The following MAGI3 variants were observed in gnomAD, a reference collection of about 807,000 sequenced individuals.
MAGI3 encodes membrane-associated guanylate kinase, WW and PDZ domain-containing protein 3.
MAGI3 carries 43 observed loss-of-function variants against 121.8 expected under a neutral mutation model. The observed-to-expected ratio is 0.35, with a 90% confidence interval of 0.28 to 0.46. MAGI3 has a LOEUF of 0.46. Among genes scored for constraint, MAGI3 ranks in the 20% least tolerant of loss-of-function variants. MAGI3 has a pLI of 1.00. For synonymous variants in MAGI3, 553 were observed against 639.3 expected, an observed-to-expected ratio of 0.86 and a Z score of 2.04; for missense variants, 1,547 against 1,797.3, an observed-to-expected ratio of 0.86 and a Z score of 2.52.
At chr1:113,507,878 A>G (rs1164978470) in intron 1 of MAGI3, among the ~76,000 whole-genome samples, 1 of 152,304 alleles carries the variant, frequency 6.6e-6, no homozygotes, top group Non-Finnish European at 1.5e-5. Context: ...CCCAGTGGAA[A>G]GAGAGAGGTT....
chr1:113,523,480 A>G (rs1358133671), intron 1 of MAGI3, among the ~76,000 whole-genome samples: 1 of 152,192 alleles, frequency 6.6e-6, no homozygotes, highest in East Asian at 1.9e-4. Flanking sequence ...ATATAGGCTG[A>G]GGTGGTCTCA....
At chr1:113,612,285 A>G (rs990295653) in intron 6 of MAGI3, among the ~76,000 whole-genome samples, 1 of 152,124 alleles carries the variant, frequency 6.6e-6, no homozygotes, top group Non-Finnish European at 1.5e-5. Flanking sequence ...CCTGATAGCA[A>G]TCTTACCAGG....
chr1:113,411,918 A>G (rs896136509), intron 1 of MAGI3, among the ~76,000 whole-genome samples: 4 of 152,162 alleles, frequency 2.6e-5, no homozygotes, highest in Non-Finnish European at 5.9e-5. Context: ...GTGCATGTGC[A>G]CAATGTGCAG....
In MAGI3 at chr1:113,672,645, T is replaced by A. The variant is rs943636831; in HGVS notation, c.2949T>A (p.Asp983Glu). The A allele has an allele frequency of 1.9e-6, 3 of 1,613,728 alleles. No individual in the cohort carries two copies. The Admixed American group carries it at 5.0e-5, about 27-fold the overall frequency. ...RSALEGEIGK[D>E]VSTSYRHSWS... ...CCCTAGAAGGTGAAATTGGAAAAGA[T>A]GTCTCCACTTCTTACAGACATTCTT... The change falls in exon 18 of 21, where the codon GAT becomes GAA. Residue 983 changes from aspartate to glutamate, a missense_variant. Transcript: ENST00000307546.
At position 113,517,035 on chromosome 1, in the gene MAGI3, AAG is replaced by A. The variant is rs199883135; in HGVS notation, c.317-32478_317-32477del. On this transcript the variant is annotated intron_variant, in intron 1 of 20. Transcript: ENST00000307546. ...AGGTCATCAAAAACAAGGAAAGTCT[AAG>A]AAACTGTCACAGATAAGGGAAGCCT... Among the ~76,000 whole-genome samples, 44 of 152,150 alleles carry A rather than the reference AAG, an allele frequency of 2.9e-4. 1 individual carries two copies. In the East Asian group the frequency reaches 6.9e-3, roughly 24 times the overall value.
At chr1:113,448,040 A>G (rs1275478967) in intron 1 of MAGI3, among the ~76,000 whole-genome samples, 2 of 152,188 alleles carry the variant, frequency 1.3e-5, no homozygotes, top group Non-Finnish European at 1.5e-5. Context: ...TATTCATTAT[A>G]TTTTAAGTAG....
intron 9 of MAGI3, among the ~76,000 whole-genome samples, chr1:113,631,100 A>G (rs1651602031): frequency 6.6e-6 from 1 of 152,118 alleles, no homozygotes; most frequent in Non-Finnish European, 1.5e-5. Context: ...CCCTTGTGAC[A>G]GGGGAGCACT....
intron 1 of MAGI3, among the ~76,000 whole-genome samples, chr1:113,471,634 T>C (rs1655542486): frequency 6.6e-6 from 1 of 152,134 alleles, no homozygotes; most frequent in Non-Finnish European, 1.5e-5. Flanking sequence ...ACCAGTAACA[T>C]AGTTTTTATT....
chr1:113,545,089 T>G (rs537174992), intron 1 of MAGI3, among the ~76,000 whole-genome samples: 22 of 151,700 alleles, frequency 1.5e-4, no homozygotes, highest in Middle Eastern at 6.8e-3. Flanking sequence ...TTTTGTTTTT[T>G]TTTTACAAAA....
intron 1 of MAGI3, among the ~76,000 whole-genome samples, chr1:113,416,253 TAC>T (rs61186086): frequency 1.4e-5 from 1 of 69,372 alleles, no homozygotes; most frequent in Non-Finnish European, 3.0e-5. Context: ...TGTAATTAAT[TAC>T]ACATATTAAT....
intron 2 of MAGI3, among the ~76,000 whole-genome samples, chr1:113,552,804 G>C (rs187019186): frequency 1.3e-5 from 2 of 152,098 alleles, no homozygotes; most frequent in Admixed American, 1.3e-4. Flanking sequence ...GAACCTAGAC[G>C]CAATGACACA....
chr1:113,618,136 G>A (rs11102661), intron 7 of MAGI3, among the ~76,000 whole-genome samples: 35,150 of 150,946 alleles, frequency 0.23, 5,119 homozygotes, highest in East Asian at 0.65. Context: ...AAGCTCCAGC[G>A]TGGACAACAT....
rs187977492 is a variant in MAGI3, at chr1:113,433,167, C to T, written c.316+41818C>T. ...TAATGGCCATTTGTGATATTTTCTT[C>T]AGTGAAGAACCTGTGGGAGATGGAA... On this transcript the variant is annotated intron_variant, in intron 1 of 20. Coordinates refer to ENST00000307546, the MANE Select transcript of MAGI3 (RefSeq NM_001142782.2). 2.1e-3 allele frequency among the ~76,000 whole-genome samples: 316 copies of T among 152,102 alleles called. 2 individuals are homozygous for T. Among genetic ancestry groups the T allele is most frequent in the African/African-American group, 7.4e-3 (306 of 41,490 alleles).
Position 113,683,066 on chromosome 1 carries a change from T to C in MAGI3, c.3498T>C (p.Ile1166=). ...ICEKAEELKD[I]VPEKKSTLNE... ...AAAAGGCAGAAGAATTAAAGGACATTGTGCCTGAAAAGAAAAGCACTTTAA... is the reference window on the plus strand; with the variant it reads ...AAAAGGCAGAAGAATTAAAGGACATCGTGCCTGAAAAGAAAAGCACTTTAA... Residue 1166 remains isoleucine (I), a synonymous_variant, in exon 21 of 21, where the codon ATT becomes ATC. Transcript: ENST00000307546. 6.2e-7 allele frequency: 1 copy of C among 1,613,434 alleles called. No homozygotes were observed. Among genetic ancestry groups the C allele is most frequent in the Non-Finnish European group, 8.5e-7 (1 of 1,179,770 alleles).
At chr1:113,568,259 A>G (rs1207122561) in intron 2 of MAGI3, among the ~76,000 whole-genome samples, 1 of 152,100 alleles carries the variant, frequency 6.6e-6, no homozygotes, top group East Asian at 1.9e-4. Flanking sequence ...AATATTACTT[A>G]CCATAGCATA....
intron 20 of MAGI3, chr1:113,682,092 ACTGTATTATCTT>A: frequency 9.9e-7 from 1 of 1,014,712 alleles, no homozygotes; most frequent in Non-Finnish European, 1.3e-6. Context: ...TGATTCTCTG[ACTGTATTATCTT>A]CCACCATCTG....
At chr1:113,634,754 T>C (rs1165778376) in intron 9 of MAGI3, among the ~76,000 whole-genome samples, 1 of 152,188 alleles carries the variant, frequency 6.6e-6, no homozygotes, top group Non-Finnish European at 1.5e-5. Flanking sequence ...AAGTAGTTTT[T>C]TCCAATTCTG....
chr1:113,553,478 A>G (rs1557819627), intron 2 of MAGI3, among the ~76,000 whole-genome samples: 1 of 152,178 alleles, frequency 6.6e-6, no homozygotes, highest in African/African-American at 2.4e-5. Flanking sequence ...TTTAAGTTTA[A>G]CAATTCCCAG....
chr1:113,639,920 G>A (rs908004839), intron 9 of MAGI3, among the ~76,000 whole-genome samples: 4 of 152,112 alleles, frequency 2.6e-5, no homozygotes, highest in Non-Finnish European at 5.9e-5. Context: ...AGCCAGGCTG[G>A]TGTCGAATTC....
Sources: gnomAD v4.1 joint callset for allele counts (sites outside exome capture counted in the v4.1 genomes callset) on GRCh38, gnomAD v4.1.1 for gene constraint, MANE v1.5 for transcripts, NCBI Gene and HGNC (gene_info 2026-07-23, HGNC 2026-07-21) for gene names.